ERICH3: variants seen among roughly 807,000 people sequenced by gnomAD.
ERICH3 encodes the protein glutamate-rich protein 3.
Under a neutral mutation model 131.1 loss-of-function variants are expected in ERICH3, and 126 were observed. The observed-to-expected ratio is 0.96, with a 90% CI of 0.83 to 1.11. ERICH3 has a LOEUF of 1.11. ERICH3 is among the 50% of genes most tolerant of loss of function. The pLI, the probability that ERICH3 is intolerant of heterozygous loss-of-function variation, is 0.00. For missense variants in ERICH3, 2,050 were observed against 1,810.7 expected, an observed-to-expected ratio of 1.13 and a Z score of -2.40; for synonymous variants, 695 against 644.6, an observed-to-expected ratio of 1.08 and a Z score of -1.18.
chr1:74,664,030 A>T (rs973698545), intron 1 of ERICH3, among the ~76,000 whole-genome samples: 3 of 152,126 alleles, frequency 2.0e-5, no homozygotes, highest in Non-Finnish European at 4.4e-5. Flanking sequence ...GGGAGATATA[A>T]AAACTATTCA....
chr1:74,638,828 T>C (rs551025575), intron 5 of ERICH3, among the ~76,000 whole-genome samples: 3 of 152,318 alleles, frequency 2.0e-5, no homozygotes, highest in African/African-American at 7.2e-5. Flanking sequence ...TTGGCTTTTA[T>C]GGATAAATGC....
At chr1:74,653,542 G>T (rs887031227) in intron 1 of ERICH3, among the ~76,000 whole-genome samples, 1 of 152,070 alleles carries the variant, frequency 6.6e-6, no homozygotes, top group Non-Finnish European at 1.5e-5. Context: ...TCCTGAGCTG[G>T]GGAAGGAGTG....
Position 74,617,049 on chromosome 1 carries a change from A to G in ERICH3, c.1000+3685T>C, listed in dbSNP as rs115157801. 9.4e-3 allele frequency among the ~76,000 whole-genome samples: 1,431 copies of G among 152,262 alleles called. 24 individuals are homozygous for G. The highest frequency in any genetic ancestry group is 0.033 in the African/African-American group (1,365 of 41,542). On this transcript the variant is annotated intron_variant, in intron 8 of 14. Coordinates refer to ENST00000326665, the MANE Select transcript of ERICH3 (RefSeq NM_001002912.5). ...AGAGACTACCCCAAGAGTCCAGACT[A>G]AAAAATAGCAATATAATATTTTTTA...
chr1:74,616,623 T>C (rs1432301706), intron 8 of ERICH3, among the ~76,000 whole-genome samples: 1 of 152,068 alleles, frequency 6.6e-6, no homozygotes, highest in African/African-American at 2.4e-5. Context: ...GGCTGAATTG[T>C]GTCCTCCAAT....
intron 7 of ERICH3, among the ~76,000 whole-genome samples, chr1:74,627,280 A>G (rs1480127904): frequency 6.6e-6 from 1 of 152,122 alleles, no homozygotes; most frequent in African/African-American, 2.4e-5. Flanking sequence ...GGGTAGATTT[A>G]TGGGTGAAGA....
intron 8 of ERICH3, among the ~76,000 whole-genome samples, chr1:74,620,176 G>T (rs1372364384): frequency 6.6e-6 from 1 of 152,094 alleles, no homozygotes; most frequent in African/African-American, 2.4e-5. Context: ...AGTATAATTT[G>T]CAAAAACCTA....
chr1:74,594,490 A>G (rs1204021381), intron 11 of ERICH3, among the ~76,000 whole-genome samples: 3 of 152,048 alleles, frequency 2.0e-5, no homozygotes, highest in Admixed American at 6.6e-5. Flanking sequence ...TCCAACTTAC[A>G]TAGATTCATT....
chr1:74,641,267 A>G, intron 5 of ERICH3, 64 bp downstream of exon 5: 3 of 1,562,770 alleles, frequency 1.9e-6, no homozygotes, highest in Non-Finnish European at 2.6e-6. Context: ...ATCCCTTCTG[A>G]GAATAAGAAA....
chr1:74,649,488 T>A (rs115780687), intron 1 of ERICH3, among the ~76,000 whole-genome samples, 173 bp from the exon 2 acceptor site: 1 of 152,270 alleles, frequency 6.6e-6, no homozygotes, highest in African/African-American at 2.4e-5. Flanking sequence ...CTAAGCCTTA[T>A]GATAAGATCT....
At chr1:74,662,919 G>T (rs765914086) in intron 1 of ERICH3, among the ~76,000 whole-genome samples, 15 of 152,178 alleles carry the variant, frequency 9.9e-5, no homozygotes, top group Non-Finnish European at 1.6e-4. Context: ...GGGAGGCTAA[G>T]GTGGGATAAT....
intron 1 of ERICH3, among the ~76,000 whole-genome samples, chr1:74,660,473 T>C (rs570641217): frequency 6.6e-6 from 1 of 151,578 alleles, no homozygotes; most frequent in South Asian, 2.1e-4. Flanking sequence ...TCTTTATTTA[T>C]ATTTGATCTT....
At chr1:74,651,294 G>T (rs1240198297) in intron 1 of ERICH3, among the ~76,000 whole-genome samples, 1 of 152,032 alleles carries the variant, frequency 6.6e-6, no homozygotes, top group African/African-American at 2.4e-5. Context: ...CCTCAAAAGA[G>T]ACTGAAAAGC....
At chr1:74,647,353 A>G (rs996755323) in intron 2 of ERICH3, among the ~76,000 whole-genome samples, 1 of 152,138 alleles carries the variant, frequency 6.6e-6, no homozygotes, top group Non-Finnish European at 1.5e-5. Flanking sequence ...AAAGGATCTC[A>G]TCAGTTTGCT....
Position 74,636,827 on chromosome 1 carries a change from GA to G in ERICH3, c.445-390del, listed in dbSNP as rs1212996147. Among the ~76,000 whole-genome samples, 4 of 152,210 alleles carry G rather than the reference GA, an allele frequency of 2.6e-5. No individual in the cohort carries two copies. In the East Asian group the frequency reaches 5.8e-4, roughly 22 times the overall value. ...TTAGGGGTCTAAAAGGATATTATTG[GA>G]ATGGACTCATTTCTGTCTAAATGTC... On this transcript the variant is annotated intron_variant, in intron 5 of 14. Transcript: ENST00000326665.
chr1:74,626,639 G>A (rs995951029), intron 7 of ERICH3, among the ~76,000 whole-genome samples: 5 of 152,274 alleles, frequency 3.3e-5, no homozygotes, highest in Admixed American at 3.3e-4. Context: ...GTAGGTGACT[G>A]GTAAGGTTAG....
chr1:74,659,177 C>T (rs779988899), intron 1 of ERICH3, among the ~76,000 whole-genome samples: 1 of 152,036 alleles, frequency 6.6e-6, no homozygotes. Context: ...GGGGCAGGCG[C>T]GGGAACTTAC....
At chr1:74,596,446 T>A (rs745489587) in intron 11 of ERICH3, among the ~76,000 whole-genome samples, 4 of 152,098 alleles carry the variant, frequency 2.6e-5, no homozygotes, top group Non-Finnish European at 5.9e-5. Flanking sequence ...TACATATGCA[T>A]CACTTTAAGC....
chr1:74,609,391 A>G (rs1648579337), intron 9 of ERICH3, among the ~76,000 whole-genome samples: 1 of 152,038 alleles, frequency 6.6e-6, no homozygotes, highest in Non-Finnish European at 1.5e-5. Context: ...AATTAATTTC[A>G]TTTTGAATGT....
intron 8 of ERICH3, among the ~76,000 whole-genome samples, chr1:74,620,401 ATTCAC>A (rs1229067146): frequency 2.0e-5 from 3 of 152,206 alleles, no homozygotes; most frequent in Non-Finnish European, 2.9e-5. Flanking sequence ...GTATGGCATA[ATTCAC>A]TATGGCAAGC....
Sources: gnomAD v4.1 joint callset for allele counts (sites outside exome capture counted in the v4.1 genomes callset) on GRCh38, gnomAD v4.1.1 for gene constraint, MANE v1.5 for transcripts, NCBI Gene and HGNC (gene_info 2026-07-23, HGNC 2026-07-21) for gene names.